The following EPHA3 variants were observed in gnomAD, a reference collection of about 807,000 sequenced individuals.
The protein encoded by EPHA3 is EPH receptor A3, also known as ephrin type-A receptor 3.
A neutral mutation model predicts 107.1 loss-of-function variants in EPHA3; 42 were observed. The ratio of observed to expected loss-of-function variants is 0.39; its 90% CI spans 0.31 to 0.51. The LOEUF (loss-of-function observed/expected upper bound fraction) is 0.51. Among genes scored for constraint, EPHA3 ranks in the 20% least tolerant of loss-of-function variants. The probability of loss-of-function intolerance (pLI) is 0.78; values close to 1 mark genes in which losing one functional copy is unlikely to be tolerated. For missense variants in EPHA3, 1,183 were observed against 1,211.2 expected (o/e 0.98, Z 0.35); for synonymous variants, 461 against 424.8 (o/e 1.09, Z -1.05).
At chr3:89,320,002 G>T (rs906475705) in intron 3 of EPHA3, among the ~76,000 whole-genome samples, 1 of 151,774 alleles carries the variant, frequency 6.6e-6, no homozygotes, top group African/African-American at 2.4e-5. Context: ...GGCAAAACAA[G>T]TATGTATTTA....
chr3:89,228,169 A>G (rs1241609013), intron 3 of EPHA3, among the ~76,000 whole-genome samples: 1 of 151,988 alleles, frequency 6.6e-6, no homozygotes, highest in Non-Finnish European at 1.5e-5. Flanking sequence ...TCACTGTTAA[A>G]CAATAAGAAA....
intron 1 of EPHA3, among the ~76,000 whole-genome samples, chr3:89,109,084 C>A (rs1358260191): frequency 6.6e-6 from 1 of 152,108 alleles, no homozygotes; most frequent in African/African-American, 2.4e-5. Context: ...CGGTGACCTA[C>A]TTTCACTGCT....
chr3:89,378,993 CT>C (rs568941967), intron 5 of EPHA3, among the ~76,000 whole-genome samples: 130 of 152,210 alleles, frequency 8.5e-4, no homozygotes, highest in Non-Finnish European at 1.5e-3. Context: ...AAATTTATGG[CT>C]AGCTGAAAAG....
intron 6 of EPHA3, 114 bp from the exon 7 acceptor site, chr3:89,399,204 C>T (rs1480853469): frequency 3.0e-5 from 29 of 973,532 alleles, no homozygotes; most frequent in Non-Finnish European, 4.1e-5. Context: ...TTAAATCCAT[C>T]CTATGATTTG....
intron 10 of EPHA3, among the ~76,000 whole-genome samples, chr3:89,417,724 C>T (rs1239351821): frequency 1.3e-5 from 2 of 151,412 alleles, no homozygotes; most frequent in African/African-American, 4.8e-5. Context: ...TCATTATCTT[C>T]TCTACACTTC....
At chr3:89,355,062 C>G (rs1473024427) in intron 5 of EPHA3, among the ~76,000 whole-genome samples, 7 of 150,566 alleles carry the variant, frequency 4.6e-5, no homozygotes. Flanking sequence ...CAGAAATAAC[C>G]TCTTACTCCT....
intron 3 of EPHA3, among the ~76,000 whole-genome samples, chr3:89,260,813 C>T (rs750809986): frequency 6.6e-6 from 1 of 152,196 alleles, no homozygotes; most frequent in Non-Finnish European, 1.5e-5. Flanking sequence ...CAAAATCACC[C>T]TCTGTGCTGA....
chr3:89,167,742 G>A (rs993955401), intron 2 of EPHA3, among the ~76,000 whole-genome samples: 1 of 152,030 alleles, frequency 6.6e-6, no homozygotes, highest in Non-Finnish European at 1.5e-5. Flanking sequence ...AGAAATATTT[G>A]CACATTGCTA....
intron 5 of EPHA3, among the ~76,000 whole-genome samples, chr3:89,372,278 A>G (rs1483893081): frequency 6.6e-6 from 1 of 151,662 alleles, no homozygotes; most frequent in Non-Finnish European, 1.5e-5. Context: ...ATGACCTAGT[A>G]TTGAAGAGGC....
At chr3:89,156,145 C>T (rs1704801699) in intron 2 of EPHA3, among the ~76,000 whole-genome samples, 1 of 152,018 alleles carries the variant, frequency 6.6e-6, no homozygotes, top group African/African-American at 2.4e-5. Context: ...AACATGAGCA[C>T]TAAGTATCTC....
chr3:89,131,244 C>G (rs1704202208), intron 2 of EPHA3, among the ~76,000 whole-genome samples: 1 of 152,022 alleles, frequency 6.6e-6, no homozygotes, highest in African/African-American at 2.4e-5. Context: ...CCTTCTCTGG[C>G]CCTATAAACT....
chr3:89,421,939 T>C (rs1709360273), intron 11 of EPHA3, among the ~76,000 whole-genome samples: 1 of 151,284 alleles, frequency 6.6e-6, no homozygotes, highest in African/African-American at 2.4e-5. Flanking sequence ...CTAATATGGA[T>C]TACAACTGCC....
intron 3 of EPHA3, among the ~76,000 whole-genome samples, chr3:89,316,239 T>C (rs1452813358): frequency 6.6e-6 from 1 of 151,496 alleles, no homozygotes; most frequent in Admixed American, 6.6e-5. Context: ...GGTGGGAATG[T>C]TAACACTTAA....
intron 5 of EPHA3, among the ~76,000 whole-genome samples, chr3:89,350,897 CTGCTGGGG>C (rs1364454907): frequency 6.6e-6 from 1 of 151,288 alleles, no homozygotes; most frequent in African/African-American, 2.4e-5. Context: ...CAGTGTGCCC[CTGCTGGGG>C]GATGCTTCCC....
chr3:89,262,483 C>G lies in EPHA3; in HGVS notation c.814+51963C>G, dbSNP rs563673601. Among the ~76,000 whole-genome samples the G allele has an allele frequency of 2.6e-5, 4 of 152,282 alleles. 1 individual carries two copies. Among genetic ancestry groups the G allele is most frequent in the African/African-American group, 9.6e-5 (4 of 41,556 alleles). On this transcript the variant is annotated intron_variant, in intron 3 of 16. Coordinates refer to ENST00000336596, the MANE Select transcript of EPHA3 (RefSeq NM_005233.6). ...CATTTTTGTCTCAGTCTTCACAAGG[C>G]CTTATTCACAGTGTGTGAGCATTTT... is the stretch of plus-strand genomic sequence containing the variant.
At chr3:89,219,554 A>T (rs1180247173) in intron 3 of EPHA3, among the ~76,000 whole-genome samples, 1 of 151,876 alleles carries the variant, frequency 6.6e-6, no homozygotes, top group East Asian at 1.9e-4. Flanking sequence ...CCCTCAAGGA[A>T]CTTAGATTTG....
intron 3 of EPHA3, among the ~76,000 whole-genome samples, chr3:89,307,911 A>G (rs1228456293): frequency 9.9e-5 from 15 of 152,146 alleles, no homozygotes; most frequent in Admixed American, 9.2e-4. Context: ...GTTTGGTTTA[A>G]TATGGTAAGT....
At chr3:89,146,755 C>G (rs1249387248) in intron 2 of EPHA3, among the ~76,000 whole-genome samples, 1 of 151,858 alleles carries the variant, frequency 6.6e-6, no homozygotes, top group Non-Finnish European at 1.5e-5. Flanking sequence ...AGGTTTTCTT[C>G]TAGGGTTTTT....
chr3:89,442,755 C>T (rs1485294609), intron 13 of EPHA3, among the ~76,000 whole-genome samples: 2 of 152,164 alleles, frequency 1.3e-5, no homozygotes, highest in Admixed American at 6.5e-5. Flanking sequence ...ATATAGACTA[C>T]ACCATTTGTG....
Sources: gnomAD v4.1 joint callset for allele counts (sites outside exome capture counted in the v4.1 genomes callset) on GRCh38, gnomAD v4.1.1 for gene constraint, MANE v1.5 for transcripts, NCBI Gene and HGNC (gene_info 2026-07-23, HGNC 2026-07-21) for gene names.